Variants in NTM observed in about 807,000 individuals in gnomAD.
The protein encoded by NTM is IgLON family member 2.
A neutral mutation model predicts 42.1 loss-of-function variants in NTM; 13 were observed. The ratio of observed to expected loss-of-function variants is 0.31; its 90% CI spans 0.20 to 0.49. The LOEUF is 0.49. Among genes scored for constraint, NTM ranks in the 20% least tolerant of loss-of-function variants. The pLI is 0.99. For synonymous variants in NTM, 187 were observed against 179.2 expected (o/e 1.04, Z -0.35); for missense variants, 373 against 452.8 (o/e 0.82, Z 1.60).
intron 1 of NTM, among the ~76,000 whole-genome samples, chr11:131,827,902 C>G (rs2042322005): frequency 3.3e-5 from 5 of 152,126 alleles, no homozygotes; most frequent in Admixed American, 3.3e-4. Context: ...CTCCAGGTCT[C>G]CTATTCCCAG....
At chr11:131,558,082 T>C (rs962776048) in intron 1 of NTM, among the ~76,000 whole-genome samples, 3 of 152,228 alleles carry the variant, frequency 2.0e-5, no homozygotes, top group Non-Finnish European at 4.4e-5. Context: ...TTTTGTGCTA[T>C]GACATTGCTC....
chr11:131,625,520 G>C (rs1178382844), intron 1 of NTM, among the ~76,000 whole-genome samples: 1 of 152,050 alleles, frequency 6.6e-6, no homozygotes, highest in African/African-American at 2.4e-5. Flanking sequence ...CACAGAGAGA[G>C]ACTGAAAAGA....
intron 3 of NTM, among the ~76,000 whole-genome samples, chr11:132,149,473 G>A (rs1479023214): frequency 1.3e-5 from 2 of 152,166 alleles, no homozygotes; most frequent in Non-Finnish European, 2.9e-5. Flanking sequence ...CCATGAGTAT[G>A]TGTATTTATG....
At chr11:132,324,559 G>T (rs994150872) in intron 7 of NTM, among the ~76,000 whole-genome samples, 1 of 151,028 alleles carries the variant, frequency 6.6e-6, no homozygotes, top group African/African-American at 2.5e-5. Context: ...CATGCTCGTG[G>T]GTAGGAAGAA....
chr11:132,240,213 G>A (rs2089958485), intron 4 of NTM, among the ~76,000 whole-genome samples: 1 of 152,230 alleles, frequency 6.6e-6, no homozygotes, highest in African/African-American at 2.4e-5. Flanking sequence ...AATTTATCAT[G>A]AGAGACAAAT....
intron 1 of NTM, among the ~76,000 whole-genome samples, chr11:131,517,398 A>G (rs1337441037): frequency 6.6e-6 from 1 of 152,184 alleles, no homozygotes; most frequent in Admixed American, 6.5e-5. Flanking sequence ...CATGGCCTGA[A>G]TATCAGCACT....
chr11:131,470,120 T>C (rs543639927), intron 1 of NTM, among the ~76,000 whole-genome samples: 51 of 152,342 alleles, frequency 3.3e-4, no homozygotes, highest in African/African-American at 1.2e-3. Flanking sequence ...TTTCATATGA[T>C]AGTATGACCC....
At chr11:132,304,566 G>A (rs985537299) in intron 4 of NTM, among the ~76,000 whole-genome samples, 1 of 152,242 alleles carries the variant, frequency 6.6e-6, no homozygotes, top group East Asian at 1.9e-4. Flanking sequence ...GTTTTGGGGG[G>A]CTTGTTTGAG....
intron 1 of NTM, among the ~76,000 whole-genome samples, chr11:131,460,984 C>A (rs539641109): frequency 6.6e-6 from 1 of 152,182 alleles, no homozygotes; most frequent in South Asian, 2.1e-4. Context: ...TGATTCTGAG[C>A]TTTCTTAAGC....
intron 4 of NTM, among the ~76,000 whole-genome samples, chr11:132,305,895 T>C (rs537206391): frequency 6.6e-6 from 1 of 152,378 alleles, no homozygotes; most frequent in East Asian, 1.9e-4. Context: ...TGTTTTCTAC[T>C]TATGAAGAGG....
At chr11:132,314,735 G>A (rs1555090018) in intron 7 of NTM, 32 bp downstream of exon 7, 1 of 1,595,062 alleles carries the variant, frequency 6.3e-7, no homozygotes, top group East Asian at 2.3e-5. Flanking sequence ...GGCAAGAAGA[G>A]GGGAGAGGGT....
chr11:131,896,244 C>G (rs1403694753), intron 1 of NTM, among the ~76,000 whole-genome samples: 1 of 152,104 alleles, frequency 6.6e-6, no homozygotes, highest in Non-Finnish European at 1.5e-5. Context: ...AAAATAAGTT[C>G]ACAGATAACA....
chr11:131,872,559 T>A (rs577658382), intron 1 of NTM, among the ~76,000 whole-genome samples: 118 of 152,298 alleles, frequency 7.7e-4, no homozygotes, highest in African/African-American at 2.7e-3. Context: ...TTTTGGTAAA[T>A]TTTGCAGAAG....
intron 1 of NTM, among the ~76,000 whole-genome samples, chr11:131,551,494 A>C (rs1351790669): frequency 6.6e-6 from 1 of 151,986 alleles, no homozygotes; most frequent in Non-Finnish European, 1.5e-5. Context: ...TTCAATTCTC[A>C]GTGTACACAG....
intron 2 of NTM, among the ~76,000 whole-genome samples, chr11:132,130,678 C>T (rs1168782413): frequency 2.6e-5 from 4 of 152,164 alleles, no homozygotes; most frequent in Admixed American, 2.6e-4. Context: ...CTCCATTCAC[C>T]TTGGCAAAAG....
At chr11:131,670,896 C>T (rs2070082558) in intron 1 of NTM, among the ~76,000 whole-genome samples, 1 of 152,158 alleles carries the variant, frequency 6.6e-6, no homozygotes, top group East Asian at 1.9e-4. Flanking sequence ...TAGGTATTCA[C>T]TCAGTAGATG....
chr11:131,559,384 C>T (rs188919169), intron 1 of NTM, among the ~76,000 whole-genome samples: 2 of 152,198 alleles, frequency 1.3e-5, no homozygotes, highest in Non-Finnish European at 2.9e-5. Context: ...AAGTGATTAA[C>T]CAGCTGTCTT....
At chr11:132,273,744 T>C (rs2093602090) in intron 4 of NTM, among the ~76,000 whole-genome samples, 2 of 152,026 alleles carry the variant, frequency 1.3e-5, no homozygotes, top group Non-Finnish European at 2.9e-5. Context: ...CCGTCTCTAC[T>C]AAAAATACAA....
intron 1 of NTM, among the ~76,000 whole-genome samples, chr11:131,515,166 T>G (rs1478563815): frequency 6.6e-6 from 1 of 152,132 alleles, no homozygotes; most frequent in African/African-American, 2.4e-5. Context: ...CCTCCCACCT[T>G]GGCTTCCCAA....
Sources: gnomAD v4.1 joint callset for allele counts (sites outside exome capture counted in the v4.1 genomes callset) on GRCh38, gnomAD v4.1.1 for gene constraint, MANE v1.5 for transcripts, NCBI Gene and HGNC (gene_info 2026-07-23, HGNC 2026-07-21) for gene names.